MEF2C: variants seen among roughly 807,000 people sequenced by gnomAD.
MEF2C encodes myocyte enhancer factor 2C.
A neutral mutation model predicts 50.5 loss-of-function variants in MEF2C; 6 were observed. That is an observed-to-expected ratio of 0.12 (90% CI 0.07 to 0.23). The LOEUF (loss-of-function observed/expected upper bound fraction) is 0.23. MEF2C is among the 10% of genes least tolerant of loss of function. MEF2C has a pLI of 1.00. For synonymous variants in MEF2C, 183 were observed against 228.0 expected (o/e 0.80, Z 1.78); for missense variants, 276 against 605.0 (o/e 0.46, Z 5.70).
intron 1 of MEF2C, among the ~76,000 whole-genome samples, chr5:88,854,610 C>T (rs1025749268): frequency 2.6e-5 from 4 of 152,164 alleles, no homozygotes; most frequent in African/African-American, 9.7e-5. Flanking sequence ...CCTTCATTCA[C>T]TTGCTTCAAA....
intron 10 of MEF2C, among the ~76,000 whole-genome samples, chr5:88,727,017 T>C (rs933922115): frequency 6.6e-6 from 1 of 152,156 alleles, no homozygotes; most frequent in South Asian, 2.1e-4. Flanking sequence ...ATGTTTATTT[T>C]TGACAAGAAT....
At chr5:88,759,221 G>A (rs965726767) in intron 4 of MEF2C, among the ~76,000 whole-genome samples, 2 of 152,050 alleles carry the variant, frequency 1.3e-5, no homozygotes, top group African/African-American at 4.8e-5. Flanking sequence ...AGTGGCTCAC[G>A]CCTGTAATCC....
chr5:88,876,543 GTTTA>G (rs1220219957), intron 1 of MEF2C, among the ~76,000 whole-genome samples: 5 of 151,890 alleles, frequency 3.3e-5, no homozygotes, highest in African/African-American at 1.2e-4. Context: ...TAAATCGCGT[GTTTA>G]TTAAGTAGCA....
At chr5:88,866,707 T>C (rs548463054) in intron 1 of MEF2C, among the ~76,000 whole-genome samples, 1 of 152,328 alleles carries the variant, frequency 6.6e-6, no homozygotes, top group East Asian at 1.9e-4. Flanking sequence ...TTCTAACTCA[T>C]CAGTAGTTAT....
At chr5:88,825,141 T>A (rs1262351342) in intron 1 of MEF2C, among the ~76,000 whole-genome samples, 1 of 151,966 alleles carries the variant, frequency 6.6e-6, no homozygotes, top group Non-Finnish European at 1.5e-5. Flanking sequence ...TCCTGGCTAT[T>A]TAATAGATTG....
chr5:88,754,677 G>A (rs1179665307), intron 4 of MEF2C, among the ~76,000 whole-genome samples: 2 of 152,098 alleles, frequency 1.3e-5, no homozygotes, highest in African/African-American at 4.8e-5. Flanking sequence ...CTGCAGTCAC[G>A]TCCTAACAGA....
chr5:88,781,138 G>A (rs1433365341), intron 3 of MEF2C, among the ~76,000 whole-genome samples: 2 of 151,844 alleles, frequency 1.3e-5, no homozygotes, highest in South Asian at 2.1e-4. Flanking sequence ...CCTTATTTCT[G>A]AAGAATTTCA....
chr5:88,787,709 G>A (rs976590840), intron 3 of MEF2C, among the ~76,000 whole-genome samples: 1 of 152,152 alleles, frequency 6.6e-6, no homozygotes, highest in African/African-American at 2.4e-5. Flanking sequence ...CTACAGTTAA[G>A]GAAAACCAAT....
intron 1 of MEF2C, among the ~76,000 whole-genome samples, chr5:88,863,935 C>A (rs1204759766): frequency 6.6e-6 from 1 of 151,730 alleles, no homozygotes; most frequent in Non-Finnish European, 1.5e-5. Context: ...GATTCTCCTG[C>A]CTCAGCCTCC....
intron 6 of MEF2C, chr5:88,737,241 G>A (rs1374195056): frequency 2.8e-5 from 28 of 985,090 alleles, no homozygotes; most frequent in Admixed American, 1.8e-4. Flanking sequence ...GATAATGATT[G>A]CAAATTGATG....
rs1756916450 is a variant in MEF2C at position 88,723,071 on chromosome 5, G to A, written c.1101-146C>T. On this transcript the variant is annotated intron_variant, in intron 10 of 10. Transcript: ENST00000504921. ...GAAAACGTGCTTGGAAGCACATAAGGGCATCGCCTTCTCAGGGCGATTTAG... is the reference window on the plus strand; with the variant it reads ...GAAAACGTGCTTGGAAGCACATAAGAGCATCGCCTTCTCAGGGCGATTTAG... 3 of 727,776 alleles carry A rather than the reference G, an allele frequency of 4.1e-6. 1 individual carries two copies. Among genetic ancestry groups the A allele is most frequent in the Non-Finnish European group, 6.6e-6 (3 of 456,188 alleles). The allele number at this position is 727,776 out of a possible 1,614,324, so 45.1% of individuals were successfully genotyped here. A position where few individuals can be genotyped will look rare whatever the true frequency, so the allele number is the denominator to read the frequency against.
chr5:88,827,744 T>C (rs995948037), intron 1 of MEF2C, among the ~76,000 whole-genome samples: 1 of 151,882 alleles, frequency 6.6e-6, no homozygotes, highest in African/African-American at 2.4e-5. Flanking sequence ...ACACAGTTAA[T>C]GCAGTCATAT....
chr5:88,761,340 A>AATTT lies in MEF2C; in HGVS notation c.259-16_259-13dup. Reference sequence around the variant, plus strand: ...TTCTTTCTCAACGTCTGAAATACATAATTTGGAAAGTTCAAACCTAGACAA... The same window carrying AATTT: ...TTCTTTCTCAACGTCTGAAATACATAATTTATTTGGAAAGTTCAAACCTAGACAA... On this transcript the variant is annotated splice_polypyrimidine_tract_variant and intron_variant, in intron 3 of 10. Transcript: ENST00000504921. 1.9e-6 allele frequency: 3 copies of AATTT among 1,607,888 alleles called. No homozygotes were observed. Among genetic ancestry groups the AATTT allele is most frequent in the Non-Finnish European group, 2.5e-6 (3 of 1,177,206 alleles).
chr5:88,852,213 TTAAC>T (rs1175213627), intron 1 of MEF2C, among the ~76,000 whole-genome samples: 6 of 152,166 alleles, frequency 3.9e-5, no homozygotes, highest in East Asian at 1.9e-4. Flanking sequence ...AACACATCCT[TTAAC>T]TAAATACTTT....
At chr5:88,828,834 T>C (rs988980972) in intron 1 of MEF2C, among the ~76,000 whole-genome samples, 2 of 152,052 alleles carry the variant, frequency 1.3e-5, no homozygotes, top group Non-Finnish European at 2.9e-5. Context: ...TTACTACTCC[T>C]ATTGATGCTC....
chr5:88,846,070 CTT>C (rs869122348), intron 1 of MEF2C, among the ~76,000 whole-genome samples: 41 of 140,002 alleles, frequency 2.9e-4, no homozygotes, highest in African/African-American at 6.0e-4. Context: ...TACTTCAAGT[CTT>C]TTTTTTTTTT....
At chr5:88,856,556 A>G (rs1357306534) in intron 1 of MEF2C, among the ~76,000 whole-genome samples, 1 of 152,214 alleles carries the variant, frequency 6.6e-6, no homozygotes, top group Non-Finnish European at 1.5e-5. Context: ...ACAGGCCCAG[A>G]GGCCTAGGAG....
intron 6 of MEF2C, chr5:88,738,767 G>T: frequency 2.0e-6 from 2 of 985,376 alleles, no homozygotes; most frequent in African/African-American, 1.7e-5. Flanking sequence ...GGGACATGTT[G>T]TAAGGTCAAC....
chr5:88,888,809 T>A (rs771079212), intron 1 of MEF2C: 1 of 152,102 alleles, frequency 6.6e-6, no homozygotes, highest in Non-Finnish European at 1.5e-5. Context: ...GCTTGATCAG[T>A]AATTTGCTTG....
Sources: gnomAD v4.1 joint callset for allele counts (sites outside exome capture counted in the v4.1 genomes callset) on GRCh38, gnomAD v4.1.1 for gene constraint, MANE v1.5 for transcripts, NCBI Gene and HGNC (gene_info 2026-07-23, HGNC 2026-07-21) for gene names.